The following ARHGAP10 variants were observed in gnomAD, a reference collection of about 807,000 sequenced individuals.
The protein encoded by ARHGAP10 is rho GTPase-activating protein 10.
Under a neutral mutation model 108.6 loss-of-function variants are expected in ARHGAP10, and 87 were observed. That is an observed-to-expected ratio of 0.80 (90% CI 0.67 to 0.96). ARHGAP10 has a LOEUF of 0.96. ARHGAP10 is among the 40% of genes least tolerant of loss of function. ARHGAP10 has a pLI of 0.00. For missense variants in ARHGAP10, 939 were observed against 954.5 expected (o/e 0.98, Z 0.21); for synonymous variants, 347 against 341.1 (o/e 1.02, Z -0.19).
At chr4:147,748,890 T>C (rs943391342) in intron 1 of ARHGAP10, among the ~76,000 whole-genome samples, 3 of 151,986 alleles carry the variant, frequency 2.0e-5, no homozygotes, top group Non-Finnish European at 2.9e-5. Context: ...ATCCGGGAGA[T>C]TGATGCTGCA....
intron 10 of ARHGAP10, among the ~76,000 whole-genome samples, chr4:147,891,716 A>C (rs1439021458): frequency 1.3e-5 from 2 of 152,206 alleles, no homozygotes; most frequent in Non-Finnish European, 2.9e-5. Flanking sequence ...CTATCACTAC[A>C]TGACGTCAGC....
intron 16 of ARHGAP10, among the ~76,000 whole-genome samples, chr4:147,956,040 A>C (rs1316121458): frequency 6.6e-6 from 1 of 152,084 alleles, no homozygotes; most frequent in Admixed American, 6.6e-5. Flanking sequence ...TAGTCTTCTG[A>C]AGTACACTGG....
intron 18 of ARHGAP10, among the ~76,000 whole-genome samples, chr4:147,976,374 A>G (rs1192830388): frequency 6.6e-6 from 1 of 152,258 alleles, no homozygotes; most frequent in East Asian, 1.9e-4. Flanking sequence ...ATAAAGCTGC[A>G]AAGTTTCTAA....
chr4:147,948,236 A>G (rs764121616), intron 15 of ARHGAP10, among the ~76,000 whole-genome samples: 20 of 152,108 alleles, frequency 1.3e-4, no homozygotes, highest in Non-Finnish European at 8.8e-5. Flanking sequence ...TAAAGATAAT[A>G]CTTTAAAGAT....
rs368422327 is a variant in ARHGAP10 at position 147,915,603 on chromosome 4, A to G, written c.1228+2464A>G. 2.5e-4 allele frequency among the ~76,000 whole-genome samples: 38 copies of G among 152,252 alleles called. No homozygotes were observed. In the South Asian group the frequency reaches 6.8e-3, roughly 27 times the overall value. On this transcript the variant is annotated intron_variant, in intron 13 of 22. Coordinates refer to ENST00000336498, the MANE Select transcript of ARHGAP10 (RefSeq NM_024605.4). Reference sequence around the variant, plus strand: ...ATATATTGGAATCTGGAGGCATTGAATATGTTTTTATAAGTATATAGATGT... The same window carrying G: ...ATATATTGGAATCTGGAGGCATTGAGTATGTTTTTATAAGTATATAGATGT...
In ARHGAP10 at chr4:147,909,742, G is replaced by T. The variant is rs1269319483; in HGVS notation, c.1127G>T (p.Ser376Ile). Residue 376 changes from serine to isoleucine, a missense_variant, in exon 12 of 23, where the codon AGT (serine) becomes ATT (isoleucine). Physicochemically the swap from Ser to Ile is moderately radical, Grantham distance 142. Transcript: ENST00000336498. ...ATTCTCTTTTATTAGCTGTCCCATAGTTTTAATACAGCCATCATCCCAAGA... is the reference window on the plus strand; with the variant it reads ...ATTCTCTTTTATTAGCTGTCCCATATTTTTAATACAGCCATCATCCCAAGA... Reference protein sequence around the residue: ...ALGGKEALSHSFNTAIIPRPE... With the variant: ...ALGGKEALSHIFNTAIIPRPE... 6.2e-7 allele frequency: 1 copy of T among 1,611,864 alleles called. No individual in the cohort carries two copies. The highest frequency in any genetic ancestry group is 1.7e-5 in the Admixed American group (1 of 59,970).
chr4:148,063,481 CA>C (rs1186392440), intron 21 of ARHGAP10, among the ~76,000 whole-genome samples, 181 bp downstream of exon 21: 1 of 152,198 alleles, frequency 6.6e-6, no homozygotes, highest in Non-Finnish European at 1.5e-5. Flanking sequence ...AGTTCAGTAG[CA>C]AGGACGTTCT....
At chr4:148,032,615 T>C (rs1728205276) in intron 19 of ARHGAP10, among the ~76,000 whole-genome samples, 1 of 152,080 alleles carries the variant, frequency 6.6e-6, no homozygotes, top group Non-Finnish European at 1.5e-5. Context: ...ATGAATAAGA[T>C]AGATGTATAT....
intron 13 of ARHGAP10, among the ~76,000 whole-genome samples, chr4:147,937,465 G>C (rs1277134444): frequency 1.3e-5 from 2 of 151,988 alleles, no homozygotes; most frequent in Non-Finnish European, 2.9e-5. Flanking sequence ...GAATTTGTGG[G>C]GATACAATTC....
intron 18 of ARHGAP10, among the ~76,000 whole-genome samples, chr4:147,986,161 C>A (rs1395868056): frequency 6.6e-6 from 1 of 152,136 alleles, no homozygotes; most frequent in Non-Finnish European, 1.5e-5. Context: ...CCGGTTTAAC[C>A]TCATTATCAG....
intron 1 of ARHGAP10, among the ~76,000 whole-genome samples, chr4:147,793,972 A>G (rs983207557): frequency 6.6e-6 from 1 of 152,230 alleles, no homozygotes; most frequent in Non-Finnish European, 1.5e-5. Context: ...TTAATTTTCA[A>G]ACAGTTCTAC....
At chr4:147,868,878 T>C (rs1734681445) in intron 7 of ARHGAP10, among the ~76,000 whole-genome samples, 1 of 152,134 alleles carries the variant, frequency 6.6e-6, no homozygotes, top group Non-Finnish European at 1.5e-5. Context: ...CCTCCTGCCA[T>C]GTGACCCGGT....
chr4:147,936,620 C>T (rs1737957709), intron 13 of ARHGAP10, among the ~76,000 whole-genome samples: 2 of 152,070 alleles, frequency 1.3e-5, no homozygotes, highest in South Asian at 2.1e-4. Context: ...TGAGCCACCG[C>T]GCCCGGCCCT....
At chr4:147,812,100 A>G (rs769958776) in intron 1 of ARHGAP10, among the ~76,000 whole-genome samples, 12 of 152,308 alleles carry the variant, frequency 7.9e-5, no homozygotes, top group Non-Finnish European at 1.3e-4. Context: ...TGAGAGTTGC[A>G]TAGCAGGCAT....
intron 1 of ARHGAP10, among the ~76,000 whole-genome samples, chr4:147,742,087 G>A (rs748356680): frequency 1.4e-4 from 22 of 151,982 alleles, no homozygotes; most frequent in Non-Finnish European, 2.9e-4. Flanking sequence ...GAGATGTGTG[G>A]CTGGAAGAAC....
intron 18 of ARHGAP10, among the ~76,000 whole-genome samples, chr4:147,989,026 C>T (rs1270439540): frequency 6.6e-6 from 1 of 152,200 alleles, no homozygotes; most frequent in African/African-American, 2.4e-5. Context: ...AGGTTCTTCT[C>T]TATTTTCCTA....
intron 3 of ARHGAP10, among the ~76,000 whole-genome samples, chr4:147,843,091 C>T (rs2126812543): frequency 6.6e-6 from 1 of 152,222 alleles, no homozygotes; most frequent in Non-Finnish European, 1.5e-5. Context: ...GTCATGAAGC[C>T]CACAAACCCG....
chr4:148,071,186 C>T (rs914069535), intron 22 of ARHGAP10, among the ~76,000 whole-genome samples: 1 of 152,234 alleles, frequency 6.6e-6, no homozygotes, highest in African/African-American at 2.4e-5. Context: ...CTTGCAAAGG[C>T]CTGGAGTTGC....
rs576726202 is a variant in ARHGAP10 at position 147,858,654 on chromosome 4, T to C, written c.486+1000T>C. Among the ~76,000 whole-genome samples the C allele has an allele frequency of 3.9e-4, 60 of 152,320 alleles. 1 individual carries two copies. In the South Asian group the frequency reaches 0.012, roughly 31 times the overall value. On this transcript the variant is annotated intron_variant, in intron 5 of 22. Coordinates refer to ENST00000336498, the MANE Select transcript of ARHGAP10 (RefSeq NM_024605.4). Reference sequence around the variant, plus strand: ...CTGCAGTACTTTGGGTAGGGCTCTGTTCTCTCCTTGTTGCATATTATTGTG... The same window carrying C: ...CTGCAGTACTTTGGGTAGGGCTCTGCTCTCTCCTTGTTGCATATTATTGTG...
Sources: allele counts gnomAD v4.1 joint callset (sites outside exome capture counted in the v4.1 genomes callset), GRCh38; gene constraint gnomAD v4.1.1; transcripts MANE v1.5; gene names NCBI Gene and HGNC (gene_info 2026-07-23, HGNC 2026-07-21).